The following TTC28 variants were observed in gnomAD, a reference collection of about 807,000 sequenced individuals.
The protein encoded by TTC28 is tetratricopeptide repeat domain 28, also known as tetratricopeptide repeat protein 28.
A neutral mutation model predicts 198.0 loss-of-function variants in TTC28; 61 were observed. The observed-to-expected ratio is 0.31, with a 90% CI of 0.25 to 0.38. The LOEUF is 0.38. Ranked by LOEUF, TTC28 falls within the 10% of genes least tolerant of loss-of-function variation. TTC28 has a pLI of 1.00. For synonymous variants in TTC28, 1,171 were observed against 1,297.8 expected, an observed-to-expected ratio of 0.90 and a Z score of 2.10; for missense variants, 2,678 against 3,164.0, an observed-to-expected ratio of 0.85 and a Z score of 3.69.
At chr22:28,367,966 G>C (rs1328377507) in intron 2 of TTC28, among the ~76,000 whole-genome samples, 2 of 151,952 alleles carry the variant, frequency 1.3e-5, no homozygotes, top group African/African-American at 4.8e-5. Context: ...TGGCTTCACT[G>C]CTTAATTCTA....
chr22:28,502,866 A>AGG (rs2048556141), intron 2 of TTC28, among the ~76,000 whole-genome samples: 2 of 152,134 alleles, frequency 1.3e-5, no homozygotes, highest in Non-Finnish European at 1.5e-5. Flanking sequence ...TATTAATAAA[A>AGG]ATTCATCATC....
At chr22:28,516,078 G>T (rs774833544) in intron 2 of TTC28, among the ~76,000 whole-genome samples, 3 of 151,760 alleles carry the variant, frequency 2.0e-5, no homozygotes, top group African/African-American at 7.2e-5. Context: ...CCCAGGAGGC[G>T]GAGGTTGCAG....
At chr22:28,642,043 G>A (rs910272600) in intron 1 of TTC28, among the ~76,000 whole-genome samples, 7 of 152,042 alleles carry the variant, frequency 4.6e-5, no homozygotes, top group African/African-American at 1.7e-4. Flanking sequence ...ATCTATACAT[G>A]ACACACCATA....
chr22:28,325,105 T>C (rs1363506142), intron 2 of TTC28, among the ~76,000 whole-genome samples: 1 of 151,176 alleles, frequency 6.6e-6, no homozygotes, highest in Non-Finnish European at 1.5e-5. Flanking sequence ...CGTCTGGTCC[T>C]GGACTTTTTT....
intron 3 of TTC28, among the ~76,000 whole-genome samples, chr22:28,305,465 AGTTT>A (rs2045124865): frequency 6.6e-6 from 1 of 152,214 alleles, no homozygotes; most frequent in Non-Finnish European, 1.5e-5. Context: ...AGTACTGTTT[AGTTT>A]ATCAAACTTT....
At chr22:28,598,183 A>G (rs1010364778) in intron 2 of TTC28, among the ~76,000 whole-genome samples, 5 of 152,066 alleles carry the variant, frequency 3.3e-5, no homozygotes, top group Admixed American at 2.0e-4. Context: ...TAAACCATGG[A>G]AAAACTGCAA....
intron 5 of TTC28, among the ~76,000 whole-genome samples, chr22:28,164,080 G>A (rs554982471): frequency 2.6e-4 from 40 of 152,202 alleles, no homozygotes; most frequent in Non-Finnish European, 3.5e-4. Flanking sequence ...ACTGCAAGGC[G>A]GAAGCGAGGC....
chr22:28,553,518 C>A (rs1412030806), intron 2 of TTC28, among the ~76,000 whole-genome samples: 2 of 151,214 alleles, frequency 1.3e-5, no homozygotes, highest in African/African-American at 4.9e-5. Flanking sequence ...CCCGGCCGCC[C>A]CGTCTGAGAA....
chr22:28,331,980 C>A (rs570494898), intron 2 of TTC28, among the ~76,000 whole-genome samples: 23 of 152,190 alleles, frequency 1.5e-4, no homozygotes, highest in Middle Eastern at 3.4e-3. Flanking sequence ...AACTACACTT[C>A]TAAAGCAAAT....
chr22:28,266,911 C>T (rs1364733590), intron 5 of TTC28, among the ~76,000 whole-genome samples: 1 of 152,148 alleles, frequency 6.6e-6, no homozygotes, highest in Non-Finnish European at 1.5e-5. Flanking sequence ...ACCAGAATGA[C>T]TACATGATGG....
In TTC28 at chr22:27,980,629, T is replaced by C. The variant is rs1936977211; in HGVS notation, c.*1592A>G. On this transcript the variant is annotated 3_prime_UTR_variant, in exon 23 of 23. Transcript: ENST00000397906. The stretch of plus-strand genomic sequence containing the variant: ...GGCCCCTCAGGTCTGCTCCATGTGC[T>C]GCTGGTGGCCCAGGCCAGGTGGCCG... 2 of 152,288 alleles carry C rather than the reference T, an allele frequency of 1.3e-5. No individual in the cohort carries two copies. Among genetic ancestry groups the C allele is most frequent in the Non-Finnish European group, 2.9e-5 (2 of 68,064 alleles). 9.4% of individuals were successfully genotyped at this position (152,288 alleles called of 1,614,324 possible). A position where few individuals can be genotyped will look rare whatever the true frequency, so the allele number is the denominator to read the frequency against.
chr22:28,115,743 A>G (rs1942611571), intron 6 of TTC28, among the ~76,000 whole-genome samples: 3 of 152,236 alleles, frequency 2.0e-5, no homozygotes. Context: ...TCCTTGAAGG[A>G]TAAGTGAAGT....
intron 12 of TTC28, among the ~76,000 whole-genome samples, chr22:28,038,660 T>C (rs913210612): frequency 2.6e-5 from 4 of 152,124 alleles, no homozygotes; most frequent in African/African-American, 9.7e-5. Context: ...AAAGCCAAAA[T>C]TGACAAATGG....
chr22:28,108,542 T>A, intron 6 of TTC28, 139 bp from the exon 7 acceptor site: 1 of 744,084 alleles, frequency 1.3e-6, no homozygotes, highest in Non-Finnish European at 1.9e-6. Flanking sequence ...AAGGTAGAAT[T>A]AAATATTTAT....
chr22:28,401,235 C>CGAT (rs1195320152), intron 2 of TTC28, among the ~76,000 whole-genome samples: 1 of 151,436 alleles, frequency 6.6e-6, no homozygotes, highest in East Asian at 1.9e-4. Flanking sequence ...ACGACGATGA[C>CGAT]GACGACGACG....
chr22:28,516,133 G>A (rs1211805591), intron 2 of TTC28, among the ~76,000 whole-genome samples: 2 of 146,364 alleles, frequency 1.4e-5, no homozygotes, highest in African/African-American at 5.0e-5. Flanking sequence ...TGACAAGAGC[G>A]AAACTCCATC....
At chr22:28,640,679 G>A (rs1004085939) in intron 1 of TTC28, among the ~76,000 whole-genome samples, 5 of 152,048 alleles carry the variant, frequency 3.3e-5, no homozygotes, top group Middle Eastern at 6.8e-3. Flanking sequence ...CAGAAATGAC[G>A]GAAGCTGAAA....
chr22:28,347,334 T>C (rs1345944791), intron 2 of TTC28, among the ~76,000 whole-genome samples: 1 of 151,808 alleles, frequency 6.6e-6, no homozygotes, highest in African/African-American at 2.4e-5. Flanking sequence ...CCTTTTCTCC[T>C]CAACATATGC....
At chr22:28,557,722 T>C (rs192792980) in intron 2 of TTC28, among the ~76,000 whole-genome samples, 1 of 152,238 alleles carries the variant, frequency 6.6e-6, no homozygotes, top group Non-Finnish European at 1.5e-5. Flanking sequence ...TCTTGGATTG[T>C]GACTTCAAAT....
Sources: allele counts gnomAD v4.1 joint callset (sites outside exome capture counted in the v4.1 genomes callset), GRCh38; gene constraint gnomAD v4.1.1; transcripts MANE v1.5; gene names NCBI Gene and HGNC (gene_info 2026-07-23, HGNC 2026-07-21).